Variants in MCM5 observed in about 807,000 individuals in gnomAD.
MCM5 encodes the protein DNA replication licensing factor MCM5.
Under a neutral mutation model 79.9 loss-of-function variants are expected in MCM5, and 46 were observed. The ratio of observed to expected loss-of-function variants is 0.58; its 90% CI spans 0.45 to 0.74. The LOEUF is 0.74. Ranked by LOEUF, MCM5 falls within the 30% of genes least tolerant of loss-of-function variation. MCM5 has a pLI of 0.00. For missense variants in MCM5, 883 were observed against 1,017.0 expected (o/e 0.87, Z 1.79); for synonymous variants, 404 against 390.5 (o/e 1.03, Z -0.41).
In MCM5 at chr22:35,410,825, C is replaced by T; in HGVS notation, c.834C>T (p.Thr278=). The change falls in exon 7 of 17, where the codon ACC becomes ACT. Residue 278 remains threonine (T), a synonymous_variant. Coordinates refer to ENST00000216122, the MANE Select transcript of MCM5 (RefSeq NM_006739.4). ...IYSIKKFGLT[T]SRGRDRVGVG... is the part of the protein sequence containing the mutation. ...CCATCAAGAAGTTTGGCCTGACTAC[C>T]AGCAGGGGCCGTGACAGGGTGGGCG... is the stretch of plus-strand genomic sequence containing the variant. The T allele has an allele frequency of 6.2e-7, 1 of 1,614,052 alleles. No individual in the cohort carries two copies. Among genetic ancestry groups the T allele is most frequent in the Non-Finnish European group, 8.5e-7 (1 of 1,179,938 alleles).
chr22:35,404,853 A>G (rs1348593886), intron 4 of MCM5, among the ~76,000 whole-genome samples: 2 of 152,238 alleles, frequency 1.3e-5, no homozygotes, highest in Non-Finnish European at 2.9e-5. Flanking sequence ...CTAGTGGCTC[A>G]GGAGCTTTGT....
the MCM5 span, among the ~76,000 whole-genome samples, chr22:35,437,079 A>G: frequency 6.6e-6 from 1 of 152,188 alleles, no homozygotes; most frequent in Non-Finnish European, 1.5e-5. Flanking sequence ...GCAGGTGATC[A>G]GTTGACACCT....
At chr22:35,426,380 C>T (rs890012882), downstream of MCM5, among the ~76,000 whole-genome samples, 8 of 152,110 alleles carry the variant, frequency 5.3e-5, no homozygotes, top group African/African-American at 1.9e-4. Context: ...AGTGGAATCT[C>T]CAGTCAGGCC....
At chr22:35,417,636 T>G (rs920880415) in intron 12 of MCM5, 108 bp from the exon 13 acceptor site, 2 of 772,838 alleles carry the variant, frequency 2.6e-6, no homozygotes, top group African/African-American at 3.4e-5. Flanking sequence ...CCTTTCCGGC[T>G]CCTTGATGCC....
chr22:35,442,081 C>T, the MCM5 span, among the ~76,000 whole-genome samples: 1 of 152,050 alleles, frequency 6.6e-6, no homozygotes, highest in Non-Finnish European at 1.5e-5. Context: ...TCAGGAAACT[C>T]CCGTGGCTCC....
chr22:35,431,315 C>A, the MCM5 span, among the ~76,000 whole-genome samples: 1 of 152,302 alleles, frequency 6.6e-6, no homozygotes, highest in East Asian at 1.9e-4. Flanking sequence ...CAGAAATGCA[C>A]GGAGCCGGGG....
intron 15 of MCM5, chr22:35,421,699 C>G (rs777710028): frequency 8.6e-6 from 5 of 582,602 alleles, no homozygotes; most frequent in African/African-American, 1.9e-5. Flanking sequence ...TCCTCTTGAC[C>G]CAGGTCATTG....
intron 12 of MCM5, among the ~76,000 whole-genome samples, chr22:35,417,023 C>G (rs984122103): frequency 1.3e-5 from 2 of 152,058 alleles, no homozygotes. Flanking sequence ...CTGCCTCTGC[C>G]GTGAGTGATA....
At chr22:35,451,956 C>T in the MCM5 span, among the ~76,000 whole-genome samples, 1 of 152,348 alleles carries the variant, frequency 6.6e-6, no homozygotes, top group East Asian at 1.9e-4. Context: ...CTTTCAGGTG[C>T]CTGATCCTGC....
intron 2 of MCM5, among the ~76,000 whole-genome samples, chr22:35,402,324 G>T (rs1159887106): frequency 4.7e-5 from 7 of 149,900 alleles, no homozygotes; most frequent in African/African-American, 1.2e-4. Context: ...TTGTTGTTTT[G>T]TTTTTTGTTT....
the MCM5 span, among the ~76,000 whole-genome samples, chr22:35,443,579 T>G: frequency 4.6e-5 from 7 of 152,228 alleles, no homozygotes; most frequent in Admixed American, 6.5e-5. Flanking sequence ...AATCTTTTCC[T>G]GCCTGAACCT....
At chr22:35,414,246 C>T (rs1032919286) in intron 9 of MCM5, among the ~76,000 whole-genome samples, 1 of 152,170 alleles carries the variant, frequency 6.6e-6, no homozygotes, top group African/African-American at 2.4e-5. Flanking sequence ...CAGAAATTGG[C>T]TGTGGGCTTT....
chr22:35,438,528 T>TCCATCCACCC, the MCM5 span, among the ~76,000 whole-genome samples: 1 of 58,580 alleles, frequency 1.7e-5, no homozygotes, highest in Non-Finnish European at 3.5e-5. Context: ...TCCATCCATC[T>TCCATCCACCC]ACATATTCAT....
In MCM5 at chr22:35,410,729, C is replaced by T. The variant is rs1023127608; in HGVS notation, c.753-15C>T. 1 of 1,613,058 alleles carries T rather than the reference C, an allele frequency of 6.2e-7. No homozygotes were observed. Among genetic ancestry groups the T allele is most frequent in the South Asian group, 1.1e-5 (1 of 91,024 alleles). On this transcript the variant is annotated splice_polypyrimidine_tract_variant and intron_variant, in intron 6 of 16. Coordinates refer to ENST00000216122, the MANE Select transcript of MCM5 (RefSeq NM_006739.4). ...AATCTCAGCTTTTCTCCTTTCTCCTCTACCCTCCTCTCAGGTACCTGTGTG... is the reference window on the plus strand; with the variant it reads ...AATCTCAGCTTTTCTCCTTTCTCCTTTACCCTCCTCTCAGGTACCTGTGTG...
intron 7 of MCM5, chr22:35,411,277 A>G (rs1304567967): frequency 5.7e-6 from 1 of 176,300 alleles, no homozygotes; most frequent in Admixed American, 5.6e-5. Flanking sequence ...AAACTGTGAG[A>G]CCGCTGGGGA....
the MCM5 span, among the ~76,000 whole-genome samples, chr22:35,439,864 C>A: frequency 6.6e-6 from 1 of 152,254 alleles, no homozygotes; most frequent in Admixed American, 6.5e-5. Flanking sequence ...AGTGTGCAGG[C>A]CTGGCATGGT....
Position 35,400,376 on chromosome 22 carries a change from G to A in MCM5, c.-8-55G>A, listed in dbSNP as rs189730926. ...GGGCAGGGACCCAGGCGTCGGAGGG[G>A]AGGAGGTGCCAGGCGCTGCCCCCAG... On this transcript the variant is annotated intron_variant, in intron 1 of 16. Coordinates refer to ENST00000216122, the MANE Select transcript of MCM5 (RefSeq NM_006739.4). 3.1e-6 allele frequency: 5 copies of A among 1,602,510 alleles called. No individual in the cohort carries two copies. In the South Asian group the frequency reaches 3.3e-5, roughly 11 times the overall value.
At chr22:35,421,003 C>CT (rs1046099625) in intron 14 of MCM5, among the ~76,000 whole-genome samples, 1 of 151,966 alleles carries the variant, frequency 6.6e-6, no homozygotes, top group African/African-American at 2.4e-5. Context: ...TGGTGCATGC[C>CT]TGTAGACCCA....
chr22:35,404,085 C>T (rs571900384), intron 4 of MCM5, among the ~76,000 whole-genome samples: 1 of 152,070 alleles, frequency 6.6e-6, no homozygotes, highest in Non-Finnish European at 1.5e-5. Context: ...GCACTTTAGC[C>T]TGGGTGACAG....
Sources: gnomAD v4.1 joint callset for allele counts (sites outside exome capture counted in the v4.1 genomes callset) on GRCh38, gnomAD v4.1.1 for gene constraint, MANE v1.5 for transcripts, NCBI Gene and HGNC (gene_info 2026-07-23, HGNC 2026-07-21) for gene names.